The following SUSD6 variants were observed in gnomAD, a reference collection of about 807,000 sequenced individuals.
SUSD6 encodes the protein sushi domain containing 6.
In SUSD6, 16 loss-of-function variants were observed where a neutral mutation model predicts 28.4. That is an observed-to-expected ratio of 0.56 (90% CI 0.38 to 0.86). SUSD6 has a LOEUF of 0.86. Among genes scored for constraint, SUSD6 ranks in the 40% least tolerant of loss-of-function variants. The pLI is 0.00. For missense variants in SUSD6, 341 were observed against 384.2 expected, an observed-to-expected ratio of 0.89 and a Z score of 0.94; for synonymous variants, 147 against 159.6, an observed-to-expected ratio of 0.92 and a Z score of 0.59.
chr14:69,646,597 C>T (rs1267901476), intron 1 of SUSD6, among the ~76,000 whole-genome samples: 1 of 152,002 alleles, frequency 6.6e-6, no homozygotes, highest in East Asian at 1.9e-4. Flanking sequence ...CATTATGTTC[C>T]CTGACCAAAC....
chr14:69,654,474 G>A (rs1278343660), intron 1 of SUSD6, among the ~76,000 whole-genome samples: 1 of 152,154 alleles, frequency 6.6e-6, no homozygotes, highest in Non-Finnish European at 1.5e-5. Context: ...GAAGTGTCAG[G>A]AAAGAATTCC....
chr14:69,672,024 G>A (rs890957856), intron 2 of SUSD6, among the ~76,000 whole-genome samples: 4 of 152,172 alleles, frequency 2.6e-5, no homozygotes, highest in African/African-American at 7.2e-5. Flanking sequence ...TATTTCAATG[G>A]AATGGATTAT....
At chr14:69,636,293 G>T (rs1306814126) in intron 1 of SUSD6, among the ~76,000 whole-genome samples, 2 of 152,220 alleles carry the variant, frequency 1.3e-5, no homozygotes, top group Non-Finnish European at 2.9e-5. Flanking sequence ...GGGCAGCTAG[G>T]CCCTGAAATT....
chr14:69,616,569 G>A (rs1181865639), intron 1 of SUSD6, among the ~76,000 whole-genome samples: 1 of 152,112 alleles, frequency 6.6e-6, no homozygotes, highest in African/African-American at 2.4e-5. Flanking sequence ...CTGCAAAAAG[G>A]GTACAAGGTG....
intron 2 of SUSD6, among the ~76,000 whole-genome samples, chr14:69,685,022 T>A (rs1045756173): frequency 5.3e-5 from 8 of 152,232 alleles, no homozygotes; most frequent in African/African-American, 1.4e-4. Context: ...CAGGCCTGAC[T>A]TTCAGTGGCT....
chr14:69,703,908 T>G, intron 3 of SUSD6: 1 of 401,700 alleles, frequency 2.5e-6, no homozygotes, highest in Non-Finnish European at 4.6e-6. Context: ...AGCACAATGC[T>G]AATACCTTCT....
At chr14:69,684,087 G>C (rs567760030) in intron 2 of SUSD6, among the ~76,000 whole-genome samples, 1 of 152,322 alleles carries the variant, frequency 6.6e-6, no homozygotes, top group African/African-American at 2.4e-5. Context: ...CCTGCTGCAG[G>C]TGGAAGTGAT....
chr14:69,657,755 T>A (rs1391318429), intron 1 of SUSD6, among the ~76,000 whole-genome samples: 1 of 152,114 alleles, frequency 6.6e-6, no homozygotes, highest in Non-Finnish European at 1.5e-5. Flanking sequence ...TAGAAAAGAA[T>A]CTTTAAAGTC....
At chr14:69,699,263 G>A (rs1476087640) in intron 2 of SUSD6, among the ~76,000 whole-genome samples, 2 of 151,814 alleles carry the variant, frequency 1.3e-5, no homozygotes, top group African/African-American at 4.8e-5. Context: ...GAGTGCAGTG[G>A]TGCAATCTCA....
At chr14:69,652,057 ACT>A (rs1224627671) in intron 1 of SUSD6, among the ~76,000 whole-genome samples, 3 of 152,116 alleles carry the variant, frequency 2.0e-5, no homozygotes, top group African/African-American at 4.8e-5. Flanking sequence ...GTTGTTCTGG[ACT>A]CTCACCACTA....
At chr14:69,628,351 T>C (rs1885145591) in intron 1 of SUSD6, among the ~76,000 whole-genome samples, 1 of 152,200 alleles carries the variant, frequency 6.6e-6, no homozygotes, top group Non-Finnish European at 1.5e-5. Flanking sequence ...AATTTGAAGG[T>C]TGCTGATGGG....
chr14:69,673,010 G>A (rs1446992291), intron 2 of SUSD6, among the ~76,000 whole-genome samples: 1 of 152,208 alleles, frequency 6.6e-6, no homozygotes, highest in Non-Finnish European at 1.5e-5. Context: ...CTCACCTTTT[G>A]TACTCTCTTG....
intron 2 of SUSD6, among the ~76,000 whole-genome samples, chr14:69,697,628 A>G (rs1886245205): frequency 6.6e-6 from 1 of 152,198 alleles, no homozygotes; most frequent in Admixed American, 6.5e-5. Flanking sequence ...AACATTTTAA[A>G]TTACATCTGT....
intron 3 of SUSD6, chr14:69,703,841 C>T: frequency 3.6e-6 from 2 of 555,492 alleles, no homozygotes; most frequent in East Asian, 3.1e-5. Flanking sequence ...TGTTCAGGAT[C>T]TCTTGTTTGC....
intron 5 of SUSD6, 118 bp from the exon 6 acceptor site, chr14:69,710,836 A>G (rs45508397): frequency 0.017 from 15,651 of 942,194 alleles, 222 homozygotes; most frequent in South Asian, 0.041. Context: ...TGAGTGGGAC[A>G]TTTACTTTCT....
intron 1 of SUSD6, among the ~76,000 whole-genome samples, chr14:69,642,427 G>A (rs1885365708): frequency 6.6e-6 from 1 of 152,144 alleles, no homozygotes; most frequent in South Asian, 2.1e-4. Flanking sequence ...TCAAGACTGG[G>A]AAGAAAAAGA....
At chr14:69,619,156 G>C (rs1028435502) in intron 1 of SUSD6, among the ~76,000 whole-genome samples, 24 of 152,324 alleles carry the variant, frequency 1.6e-4, no homozygotes, top group Middle Eastern at 6.8e-3. Context: ...TCCCGGAATG[G>C]GGGTTGGGAG....
intron 1 of SUSD6, among the ~76,000 whole-genome samples, chr14:69,650,714 C>G (rs1381767959): frequency 6.6e-6 from 1 of 152,120 alleles, no homozygotes; most frequent in East Asian, 1.9e-4. Flanking sequence ...CCCTTTCTCC[C>G]TGGGCCCCTG....
intron 1 of SUSD6, among the ~76,000 whole-genome samples, chr14:69,621,490 G>T (rs1885040650): frequency 6.6e-6 from 1 of 152,160 alleles, no homozygotes; most frequent in Non-Finnish European, 1.5e-5. Context: ...GAATGTTTTA[G>T]CAAGGCCAAT....
Sources: gnomAD v4.1 joint callset for allele counts (sites outside exome capture counted in the v4.1 genomes callset) on GRCh38, gnomAD v4.1.1 for gene constraint, MANE v1.5 for transcripts, NCBI Gene and HGNC (gene_info 2026-07-23, HGNC 2026-07-21) for gene names.